DERA: variants seen among roughly 807,000 people sequenced by gnomAD.
DERA encodes the protein 2-deoxy-D-ribose 5-phosphate aldolase.
Under a neutral mutation model 41.1 loss-of-function variants are expected in DERA, and 15 were observed. That is an observed-to-expected ratio of 0.37 (90% CI 0.24 to 0.56). The LOEUF is 0.56. Among genes scored for constraint, DERA ranks in the 20% least tolerant of loss-of-function variants. The probability of loss-of-function intolerance (pLI) is 0.81; values close to 1 mark genes in which losing one functional copy is unlikely to be tolerated. For synonymous variants in DERA, 139 were observed against 137.4 expected, an observed-to-expected ratio of 1.01 and a Z score of -0.08; for missense variants, 396 against 403.4, an observed-to-expected ratio of 0.98 and a Z score of 0.16.
At chr12:15,927,871 AT>A (rs542771996) in intron 1 of DERA, among the ~76,000 whole-genome samples, 42 of 152,274 alleles carry the variant, frequency 2.8e-4, no homozygotes, top group African/African-American at 9.9e-4. Flanking sequence ...CACGGATGAG[AT>A]TTAGATTGAT....
rs528321728 is a variant in DERA at position 16,008,804 on chromosome 12, G to T, written c.638-23738G>T. Among the ~76,000 whole-genome samples, 35 of 152,316 alleles carry T rather than the reference G, an allele frequency of 2.3e-4. No individual in the cohort carries two copies. The highest frequency in any genetic ancestry group is 5.9e-4 in the Admixed American group (9 of 15,298). ...GTTTATATTCAGAATAGGAAGAAAA[G>T]CAATGAAGGTGCCATTTCGTATTGA... On this transcript the variant is annotated intron_variant, in intron 6 of 8. Transcript: ENST00000428559. This position sits in a 1 kb window ranked among gnomAD's most constrained non-coding sequence, Gnocchi z 4.8.
chr12:16,031,458 T>A (rs1325431643), intron 6 of DERA, among the ~76,000 whole-genome samples: 1 of 152,178 alleles, frequency 6.6e-6, no homozygotes, highest in Non-Finnish European at 1.5e-5. Context: ...GGGCCATGAA[T>A]TTGCACACAA....
chr12:15,920,561 G>T (rs544058693), intron 1 of DERA, among the ~76,000 whole-genome samples: 1 of 152,320 alleles, frequency 6.6e-6, no homozygotes, highest in East Asian at 1.9e-4. Context: ...GAAGCTGGGC[G>T]TGGTGGCTCA....
At chr12:16,015,646 G>T (rs1948976428) in intron 6 of DERA, among the ~76,000 whole-genome samples, 1 of 152,224 alleles carries the variant, frequency 6.6e-6, no homozygotes, top group South Asian at 2.1e-4. Context: ...ATGGAGTGAA[G>T]TATCATCAAT....
rs948434012 is a variant in DERA, at chr12:16,035,816, A to G, written c.751-416A>G. ...CACGTGTCTTTTGAACCTCAAGATG[A>G]AGGCTGAGAAGTGACTCTACAGGCT... On this transcript the variant is annotated intron_variant, in intron 7 of 8. Coordinates refer to ENST00000428559, the MANE Select transcript of DERA (RefSeq NM_015954.4). The surrounding 1 kb of genome is among the most constrained non-coding windows in gnomAD (Gnocchi z 4.1). Among the ~76,000 whole-genome samples the G allele has an allele frequency of 6.6e-6, 1 of 152,208 alleles. No homozygotes were observed. The highest frequency in any genetic ancestry group is 2.4e-5 in the African/African-American group (1 of 41,438).
At chr12:15,925,416 A>G (rs757940399) in intron 1 of DERA, among the ~76,000 whole-genome samples, 24 of 152,192 alleles carry the variant, frequency 1.6e-4, no homozygotes, top group Non-Finnish European at 3.4e-4. Flanking sequence ...TAACTAGAAC[A>G]TAAAAAAGGC....
chr12:16,032,678 T>C (rs1289140520), intron 7 of DERA, 24 bp downstream of exon 7: 1 of 1,363,600 alleles, frequency 7.3e-7, no homozygotes, highest in South Asian at 1.2e-5. Context: ...AGCAAATCTT[T>C]CTTCAGAGTA....
At chr12:15,945,462 A>T (rs560195680) in intron 1 of DERA, among the ~76,000 whole-genome samples, 8 of 152,182 alleles carry the variant, frequency 5.3e-5, no homozygotes, top group African/African-American at 1.9e-4. Context: ...TGTAAGTTGG[A>T]TTCCTAGGTA....
Position 15,959,174 on chromosome 12 carries a change from TTTA to T in DERA, c.278-650_278-648del, listed in dbSNP as rs1948564489. Among the ~76,000 whole-genome samples, 1 of 152,194 alleles carries T rather than the reference TTTA, an allele frequency of 6.6e-6. No individual in the cohort carries two copies. The highest frequency in any genetic ancestry group is 1.5e-5 in the Non-Finnish European group (1 of 68,032). On this transcript the variant is annotated intron_variant, in intron 3 of 8. Transcript: ENST00000428559. The surrounding 1 kb of genome is among the most constrained non-coding windows in gnomAD (Gnocchi z 4.5). ...ACAACTCTACGGCTTTTGAAAAGTATTTATTATGTTTATTTCGTGTTGGCCATA... is the reference window on the plus strand; with the variant it reads ...ACAACTCTACGGCTTTTGAAAAGTATTTATGTTTATTTCGTGTTGGCCATA...
chr12:15,982,404 T>G lies in DERA; in HGVS notation c.605T>G (p.Val202Gly). 1.9e-6 allele frequency: 3 copies of G among 1,613,794 alleles called. No individual in the cohort carries two copies. The highest frequency in any genetic ancestry group is 2.5e-6 in the Non-Finnish European group (3 of 1,179,784). ...GGAGAACTTGGAACTCTTACTAATG[T>G]CTATAAAGCCAGTATGATAGCAATG... is the stretch of plus-strand genomic sequence containing the variant. ...ATGELGTLTN[V>G]YKASMIAMMA... The change falls in exon 6 of 9, where the codon GTC becomes GGC. Residue 202 changes from valine (V) to glycine (G), a missense_variant. By Grantham distance (109) the Val-to-Gly change is moderately radical (BLOSUM62 -3). Transcript: ENST00000428559. This position sits in a 1 kb window ranked among gnomAD's most constrained non-coding sequence, Gnocchi z 4.0.
chr12:15,949,380 A>C (rs915517202), intron 1 of DERA, among the ~76,000 whole-genome samples: 2 of 152,018 alleles, frequency 1.3e-5, no homozygotes, highest in Non-Finnish European at 2.9e-5. Context: ...CTGTTTACCT[A>C]TTCAGGCCTC....
chr12:15,946,000 C>G (rs1224008645), intron 1 of DERA, among the ~76,000 whole-genome samples: 1 of 152,128 alleles, frequency 6.6e-6, no homozygotes, highest in East Asian at 1.9e-4. Flanking sequence ...TGGTTTTTGT[C>G]TTTGCTTCTG....
Position 15,970,773 on chromosome 12 carries a change from G to A in DERA, c.508+7826G>A, listed in dbSNP as rs1203106138. On this transcript the variant is annotated intron_variant, in intron 5 of 8. Transcript: ENST00000428559. This position sits in a 1 kb window ranked among gnomAD's most constrained non-coding sequence, Gnocchi z 4.3. ...TGATTCTTTCCATGTTGTTTTCAGA[G>A]GTTGACACCAAACTACCAAGTAGAT... Among the ~76,000 whole-genome samples, 2 of 152,090 alleles carry A rather than the reference G, an allele frequency of 1.3e-5. No homozygotes were observed. The highest frequency in any genetic ancestry group is 6.5e-5 in the Admixed American group (1 of 15,270).
chr12:15,952,127 C>T (rs1565593742), intron 1 of DERA, among the ~76,000 whole-genome samples: 2 of 152,192 alleles, frequency 1.3e-5, no homozygotes, highest in African/African-American at 4.8e-5. Context: ...TCTCGAACTC[C>T]TGACCTCGTG....
intron 1 of DERA, among the ~76,000 whole-genome samples, chr12:15,934,053 G>A (rs1948348205): frequency 6.6e-6 from 1 of 152,188 alleles, no homozygotes; most frequent in South Asian, 2.1e-4. Flanking sequence ...CTGTAAAACA[G>A]CTAATAAAGT....
Position 16,032,674 on chromosome 12 carries a change from T to A in DERA, c.750+20T>A, listed in dbSNP as rs979572990. 7 of 1,402,280 alleles carry A rather than the reference T, an allele frequency of 5.0e-6. No individual in the cohort carries two copies. Among genetic ancestry groups the A allele is most frequent in the Non-Finnish European group, 5.9e-6 (6 of 1,010,906 alleles). The allele number at this position is 1,402,280 out of a possible 1,614,324, so 86.9% of individuals were successfully genotyped here. On this transcript the variant is annotated intron_variant, in intron 7 of 8. Transcript: ENST00000428559. ...AACAAGGTATATTATTGCCAGCAAA[T>A]CTTTCTTCAGAGTAAAGATAATGTT... is the stretch of plus-strand genomic sequence containing the variant.
rs553960618 is a variant in DERA, at chr12:16,013,045, A to G, written c.638-19497A>G. Among the ~76,000 whole-genome samples the G allele has an allele frequency of 3.3e-5, 5 of 152,288 alleles. No homozygotes were observed. The highest frequency in any genetic ancestry group is 3.9e-4 in the East Asian group (2 of 5,174). ...ATTGGACTATGACGTGCAGCCCTAG[A>G]CAAATCAGTAGAGTCAGTGACTCCC... On this transcript the variant is annotated intron_variant, in intron 6 of 8. Transcript: ENST00000428559. The surrounding 1 kb of genome is among the most constrained non-coding windows in gnomAD (Gnocchi z 5.8).
intron 6 of DERA, among the ~76,000 whole-genome samples, chr12:16,007,173 T>A (rs1299342096): frequency 6.6e-6 from 1 of 150,742 alleles, no homozygotes; most frequent in African/African-American, 2.5e-5. Context: ...TGGGGTTTTT[T>A]TGTTTTTTTT....
chr12:16,001,134 C>G lies in DERA; in HGVS notation c.637+18698C>G, dbSNP rs1948871902. Among the ~76,000 whole-genome samples the G allele has an allele frequency of 6.6e-6, 1 of 152,156 alleles. No individual in the cohort carries two copies. The highest frequency in any genetic ancestry group is 2.4e-5 in the African/African-American group (1 of 41,432). On this transcript the variant is annotated intron_variant, in intron 6 of 8. Coordinates refer to ENST00000428559, the MANE Select transcript of DERA (RefSeq NM_015954.4). The surrounding 1 kb of genome is among the most constrained non-coding windows in gnomAD (Gnocchi z 4.1). The stretch of plus-strand genomic sequence containing the variant: ...CGCATACCCAGGCAGAGCTGATACT[C>G]TATTTCTTCCTGCTAAAATTCGGGC...
Sources: gnomAD v4.1 joint callset for allele counts (sites outside exome capture counted in the v4.1 genomes callset) on GRCh38, gnomAD v4.1.1 for gene constraint, Gnocchi (gnomAD v3.1) non-coding constraint, MANE v1.5 for transcripts, NCBI Gene and HGNC (gene_info 2026-07-23, HGNC 2026-07-21) for gene names.